ANTXR2: variants seen among roughly 807,000 people sequenced by gnomAD.
ANTXR2 encodes ANTXR cell adhesion molecule 2, also known as anthrax toxin receptor 2.
In ANTXR2, 44 loss-of-function variants were observed where a neutral mutation model predicts 73.7. The observed-to-expected ratio is 0.60, with a 90% CI of 0.47 to 0.77. ANTXR2 has a LOEUF of 0.77. ANTXR2 is among the 30% of genes least tolerant of loss of function. ANTXR2 has a pLI of 0.00. For missense variants in ANTXR2, 604 were observed against 592.5 expected (o/e 1.02, Z -0.20); for synonymous variants, 217 against 205.9 (o/e 1.05, Z -0.46).
chr4:79,957,431 A>G (rs1370488243), intron 16 of ANTXR2, among the ~76,000 whole-genome samples: 1 of 152,114 alleles, frequency 6.6e-6, no homozygotes. Context: ...CATTGCTGCA[A>G]AAAGAAAAGT....
At chr4:79,964,456 T>A (rs1011568739) in intron 16 of ANTXR2, among the ~76,000 whole-genome samples, 1 of 152,160 alleles carries the variant, frequency 6.6e-6, no homozygotes, top group African/African-American at 2.4e-5. Flanking sequence ...CACGGCTTAA[T>A]GGAGGTTGTT....
intron 16 of ANTXR2, among the ~76,000 whole-genome samples, chr4:79,952,923 T>C (rs528384920): frequency 6.6e-6 from 1 of 152,204 alleles, no homozygotes; most frequent in Admixed American, 6.5e-5. Flanking sequence ...AAACTTTCTT[T>C]CTCAGCAAAA....
chr4:80,027,001 T>C (rs1732476475), intron 10 of ANTXR2, among the ~76,000 whole-genome samples: 1 of 152,128 alleles, frequency 6.6e-6, no homozygotes, highest in Non-Finnish European at 1.5e-5. Context: ...AAAAGAGAAA[T>C]GTTCCACCAA....
intron 12 of ANTXR2, among the ~76,000 whole-genome samples, chr4:80,005,535 C>A (rs1187038068): frequency 6.6e-6 from 1 of 152,084 alleles, no homozygotes; most frequent in Non-Finnish European, 1.5e-5. Flanking sequence ...GATAAACACC[C>A]TGCGATTGTA....
chr4:80,024,602 T>C, intron 10 of ANTXR2: 1 of 374,620 alleles, frequency 2.7e-6, no homozygotes, highest in South Asian at 2.0e-5. Flanking sequence ...CTATACAAAA[T>C]GTACAGAAAA....
chr4:80,070,616 T>C (rs1298418140), intron 2 of ANTXR2, among the ~76,000 whole-genome samples: 3 of 152,234 alleles, frequency 2.0e-5, no homozygotes, highest in East Asian at 1.9e-4. Flanking sequence ...TGATTGAACA[T>C]GGACAGGCAT....
Position 80,072,581 on chromosome 4 carries a change from A to G in ANTXR2, c.-21T>C. On this transcript the variant is annotated 5_prime_UTR_variant, in exon 1 of 17. Coordinates refer to ENST00000403729, the MANE Select transcript of ANTXR2 (RefSeq NM_058172.6). ...ACCATCCTGCGGCCGGGGGCCTGAG[A>G]CTCCCTCCCGCTCGCAGTCCCCTAA... 3 of 1,498,450 alleles carry G rather than the reference A, an allele frequency of 2.0e-6. No homozygotes were observed. The highest frequency in any genetic ancestry group is 2.7e-6 in the Non-Finnish European group (3 of 1,125,458). The allele number at this position is 1,498,450 out of a possible 1,614,324, so 92.8% of individuals were successfully genotyped here. A position where few individuals can be genotyped will look rare whatever the true frequency, so the allele number is the denominator to read the frequency against.
At chr4:79,975,314 A>G (rs1262290976) in intron 16 of ANTXR2, among the ~76,000 whole-genome samples, 1 of 152,154 alleles carries the variant, frequency 6.6e-6, no homozygotes, top group East Asian at 1.9e-4. Context: ...TTATTTTTGT[A>G]CATGTCTTGT....
chr4:80,023,512 G>A (rs1033636203), intron 10 of ANTXR2, among the ~76,000 whole-genome samples: 4 of 152,202 alleles, frequency 2.6e-5, no homozygotes, highest in Non-Finnish European at 5.9e-5. Context: ...GTAAATAAAA[G>A]GAAGCCCCGT....
At chr4:79,938,012 T>A (rs1341623844) in intron 16 of ANTXR2, among the ~76,000 whole-genome samples, 1 of 82,262 alleles carries the variant, frequency 1.2e-5, no homozygotes, top group Non-Finnish European at 2.5e-5. Flanking sequence ...ATTGCGCTTT[T>A]CAGACCGGCT....
intron 16 of ANTXR2, among the ~76,000 whole-genome samples, chr4:79,962,279 C>CAT (rs913076370): frequency 5.1e-4 from 77 of 151,892 alleles, no homozygotes; most frequent in African/African-American, 1.6e-3. Context: ...TATGCACATT[C>CAT]ATATATATAT....
chr4:79,964,860 T>A (rs1367387363), intron 16 of ANTXR2: 3 of 152,220 alleles, frequency 2.0e-5, no homozygotes, highest in South Asian at 2.1e-4. Context: ...CGCTGAAACA[T>A]TCATGTCTCG....
At chr4:79,975,982 G>T (rs1030866858) in intron 16 of ANTXR2, among the ~76,000 whole-genome samples, 1 of 145,336 alleles carries the variant, frequency 6.9e-6, no homozygotes, top group African/African-American at 2.5e-5. Context: ...GCAAGATCTC[G>T]GCTCACTGCA....
chr4:79,932,792 CAAAAAAAA>C (rs57359650), intron 16 of ANTXR2, among the ~76,000 whole-genome samples: 7 of 52,366 alleles, frequency 1.3e-4, no homozygotes, highest in Middle Eastern at 0.016. Flanking sequence ...AACTCCATCT[CAAAAAAAA>C]AAAAAAAAAA....
chr4:79,973,487 C>A (rs1007522289), intron 16 of ANTXR2, among the ~76,000 whole-genome samples: 1 of 151,744 alleles, frequency 6.6e-6, no homozygotes, highest in Non-Finnish European at 1.5e-5. Context: ...CTCACTACTG[C>A]GATCTCAGCT....
chr4:79,903,541 A>G lies in ANTXR2; in HGVS notation c.*3888T>C, dbSNP rs183636388. The stretch of plus-strand genomic sequence containing the variant: ...AAAAAACCAGCGCAGAACCTGCTAC[A>G]TTATGGATTTTCAAAAACAACAACA... On this transcript the variant is annotated 3_prime_UTR_variant, in exon 17 of 17. Transcript: ENST00000403729. 2 of 152,180 alleles carry G rather than the reference A, an allele frequency of 1.3e-5. No individual in the cohort carries two copies. The highest frequency in any genetic ancestry group is 3.8e-4 in the East Asian group (2 of 5,198). The allele number at this position is 152,180 out of a possible 1,614,324, so 9.4% of individuals were successfully genotyped here.
intron 14 of ANTXR2, among the ~76,000 whole-genome samples, chr4:79,982,177 C>A (rs1401623066): frequency 6.6e-6 from 1 of 152,042 alleles, no homozygotes; most frequent in Non-Finnish European, 1.5e-5. Context: ...TACTAATATC[C>A]TTACTTTATT....
chr4:80,019,987 G>GA (rs1374015475), intron 10 of ANTXR2, among the ~76,000 whole-genome samples: 1 of 151,986 alleles, frequency 6.6e-6, no homozygotes, highest in East Asian at 1.9e-4. Context: ...TATCAAAAGG[G>GA]AAAAAAATGA....
At chr4:79,929,844 G>T (rs1481427590) in intron 16 of ANTXR2, among the ~76,000 whole-genome samples, 1 of 152,076 alleles carries the variant, frequency 6.6e-6, no homozygotes, top group African/African-American at 2.4e-5. Context: ...GACAACAAGA[G>T]CAATAATAAA....
Sources: gnomAD v4.1 joint callset for allele counts (sites outside exome capture counted in the v4.1 genomes callset) on GRCh38, gnomAD v4.1.1 for gene constraint, MANE v1.5 for transcripts, NCBI Gene and HGNC (gene_info 2026-07-23, HGNC 2026-07-21) for gene names.